The following TULP4 variants were observed in gnomAD, a reference collection of about 807,000 sequenced individuals.
TULP4 encodes the protein tubby-related protein 4.
TULP4 carries 16 observed loss-of-function variants against 129.0 expected under a neutral mutation model. The ratio of observed to expected loss-of-function variants is 0.12; its 90% CI spans 0.08 to 0.19. The LOEUF is 0.19. Among genes scored for constraint, TULP4 ranks in the 10% least tolerant of loss-of-function variants. The pLI is 1.00. For missense variants in TULP4, 1,842 were observed against 2,059.1 expected (o/e 0.89, Z 2.04); for synonymous variants, 998 against 854.0 (o/e 1.17, Z -2.94).
Position 158,507,154 on chromosome 6 carries a change from G to T in TULP4, c.*460G>T. On this transcript the variant is annotated 3_prime_UTR_variant, in exon 14 of 14. Coordinates refer to ENST00000367097, the MANE Select transcript of TULP4 (RefSeq NM_020245.5). The stretch of plus-strand genomic sequence containing the variant: ...AAAATTCTCAAGATGCAGGTTCTTG[G>T]GGAATGGGATGGGGACAGCATTTGA... 5.9e-6 allele frequency: 1 copy of T among 170,132 alleles called. No individual in the cohort carries two copies. 10.5% of individuals were successfully genotyped at this position (170,132 alleles called of 1,614,324 possible). A position where few individuals can be genotyped will look rare whatever the true frequency, so the allele number is the denominator to read the frequency against.
intron 1 of TULP4, among the ~76,000 whole-genome samples, chr6:158,259,155 G>T (rs1202541394): frequency 6.6e-6 from 1 of 152,204 alleles, no homozygotes; most frequent in African/African-American, 2.4e-5. Flanking sequence ...GCTTGAACCC[G>T]GGAGGTAGAG....
At chr6:158,377,297 C>A (rs1209107541) in intron 1 of TULP4, among the ~76,000 whole-genome samples, 2 of 152,160 alleles carry the variant, frequency 1.3e-5, no homozygotes, top group Non-Finnish European at 2.9e-5. Flanking sequence ...TAACACCCAC[C>A]ACATAGGTAT....
intron 1 of TULP4, among the ~76,000 whole-genome samples, chr6:158,264,505 G>C (rs925664311): frequency 2.0e-5 from 3 of 152,082 alleles, no homozygotes; most frequent in African/African-American, 7.2e-5. Flanking sequence ...AATGTGACTT[G>C]TGTAGTATGA....
chr6:158,377,338 G>A (rs936318309), intron 1 of TULP4, among the ~76,000 whole-genome samples: 1 of 152,234 alleles, frequency 6.6e-6, no homozygotes, highest in African/African-American at 2.4e-5. Flanking sequence ...TTATGCTACA[G>A]ATGTGGCATG....
At chr6:158,404,120 A>T (rs181278916) in intron 1 of TULP4, among the ~76,000 whole-genome samples, 1 of 152,272 alleles carries the variant, frequency 6.6e-6, no homozygotes, top group African/African-American at 2.4e-5. Flanking sequence ...GTTTGCTGGA[A>T]CCTTTCTTAT....
chr6:158,273,891 A>G (rs1778593387), intron 1 of TULP4, among the ~76,000 whole-genome samples: 2 of 152,190 alleles, frequency 1.3e-5, no homozygotes, highest in South Asian at 2.1e-4. Flanking sequence ...AGATACTGTT[A>G]TTATCTCTAA....
chr6:158,279,233 C>T (rs935860593), upstream of TULP4, among the ~76,000 whole-genome samples: 1 of 152,084 alleles, frequency 6.6e-6, no homozygotes, highest in African/African-American at 2.4e-5. Flanking sequence ...TGAGCCACCG[C>T]GCCCGGCCTG....
chr6:158,451,990 GT>G (rs1779171183), intron 4 of TULP4, 143 bp from the exon 5 acceptor site: 2 of 1,210,896 alleles, frequency 1.7e-6, no homozygotes, highest in Non-Finnish European at 2.3e-6. Context: ...GATATAGAAT[GT>G]TTCATTCAGG....
At chr6:158,337,450 C>T (rs189981568) in intron 1 of TULP4, among the ~76,000 whole-genome samples, 1 of 152,180 alleles carries the variant, frequency 6.6e-6, no homozygotes, top group African/African-American at 2.4e-5. Flanking sequence ...AATTTTTAGC[C>T]TTTTCTCCCT....
upstream of TULP4, among the ~76,000 whole-genome samples, chr6:158,281,531 TG>T (rs1178298878): frequency 1.7e-4 from 26 of 152,234 alleles, no homozygotes; most frequent in African/African-American, 4.1e-4. Context: ...GAAGGGTTGA[TG>T]GGGGCAGGTG....
intron 2 of TULP4, chr6:158,427,740 C>G (rs2115053209): frequency 6.6e-6 from 1 of 152,326 alleles, no homozygotes; most frequent in East Asian, 1.9e-4. Context: ...ATCTGCCTGC[C>G]TCAGCCTCCC....
intron 1 of TULP4, among the ~76,000 whole-genome samples, chr6:158,329,085 C>T (rs533098458): frequency 7.5e-4 from 114 of 152,306 alleles, no homozygotes; most frequent in African/African-American, 2.6e-3. Flanking sequence ...TGACTCCAAA[C>T]TTCCAAAACA....
chr6:158,453,388 G>A (rs192492180), intron 5 of TULP4, among the ~76,000 whole-genome samples: 1,682 of 149,756 alleles, frequency 0.011, 31 homozygotes, highest in African/African-American at 0.038. Context: ...GGAGGCTGAG[G>A]CAGGAGAATG....
At position 158,413,646 on chromosome 6, in the gene TULP4, C is replaced by T. The variant is rs1778144735; in HGVS notation, c.381+453C>T. Among the ~76,000 whole-genome samples, 1 of 152,244 alleles carries T rather than the reference C, an allele frequency of 6.6e-6. No individual in the cohort carries two copies. Among genetic ancestry groups the T allele is most frequent in the Non-Finnish European group, 1.5e-5 (1 of 68,048 alleles). On this transcript the variant is annotated intron_variant, in intron 2 of 13. Coordinates refer to ENST00000367097, the MANE Select transcript of TULP4 (RefSeq NM_020245.5). This position sits in a 1 kb window ranked among gnomAD's most constrained non-coding sequence, Gnocchi z 4.9. Reference sequence around the variant, plus strand: ...TACAATCTCTTCCACAGGCTTCAATCAGCACGGCCTCCTGTTGTCATCCTC... The same window carrying T: ...TACAATCTCTTCCACAGGCTTCAATTAGCACGGCCTCCTGTTGTCATCCTC...
At chr6:158,244,071 A>G (rs1052692370) in intron 1 of TULP4, among the ~76,000 whole-genome samples, 4 of 152,140 alleles carry the variant, frequency 2.6e-5, no homozygotes, top group South Asian at 2.1e-4. Context: ...ATGAACGCCT[A>G]TTTTAGCATA....
chr6:158,246,353 G>T (rs1171370130), intron 1 of TULP4, among the ~76,000 whole-genome samples: 1 of 151,980 alleles, frequency 6.6e-6, no homozygotes, highest in Non-Finnish European at 1.5e-5. Context: ...TTAGCCGGGC[G>T]TGGTGGCAGG....
chr6:158,241,077 GC>G (rs1460263103), intron 1 of TULP4, among the ~76,000 whole-genome samples: 1 of 139,494 alleles, frequency 7.2e-6, no homozygotes, highest in Admixed American at 7.4e-5. Context: ...CGGGGTCTCG[GC>G]CGGGCAGAGG....
rs988744568 is a variant in TULP4 at position 158,292,394 on chromosome 6, C to T, written n.116+10016C>T. Among the ~76,000 whole-genome samples the T allele has an allele frequency of 4.6e-5, 7 of 152,270 alleles. No individual in the cohort carries two copies. The Middle Eastern group carries it at 0.014, about 296-fold the overall frequency. On this transcript the variant is annotated intron_variant and non_coding_transcript_variant, in intron 1 of 1. Coordinates refer to the TULP4 transcript ENST00000432358. ...TGTTTTGTATCCGCTCTTGTGTCCC[C>T]TGTCAGATGACCCTGGCTTTCCCTT... is the stretch of plus-strand genomic sequence containing the variant.
intron 3 of TULP4, among the ~76,000 whole-genome samples, chr6:158,443,085 G>A (rs1778937802): frequency 6.6e-6 from 1 of 152,142 alleles, no homozygotes; most frequent in Non-Finnish European, 1.5e-5. Context: ...CTGGGTTCAA[G>A]CGATTCTTCT....
Sources: gnomAD v4.1 joint callset for allele counts (sites outside exome capture counted in the v4.1 genomes callset) on GRCh38, gnomAD v4.1.1 for gene constraint, Gnocchi (gnomAD v3.1) non-coding constraint, MANE v1.5 for transcripts, NCBI Gene and HGNC (gene_info 2026-07-23, HGNC 2026-07-21) for gene names.